DLG2: variants seen among roughly 807,000 people sequenced by gnomAD.
DLG2 encodes disks large homolog 2.
Under a neutral mutation model 132.5 loss-of-function variants are expected in DLG2, and 45 were observed. The observed-to-expected ratio is 0.34, with a 90% confidence interval of 0.27 to 0.44. The LOEUF is 0.44. Among genes scored for constraint, DLG2 ranks in the 20% least tolerant of loss-of-function variants. The pLI is 1.00. For missense variants in DLG2, 1,045 were observed against 1,196.9 expected, an observed-to-expected ratio of 0.87 and a Z score of 1.87; for synonymous variants, 424 against 419.6, an observed-to-expected ratio of 1.01 and a Z score of -0.13.
chr11:85,208,270 C>T (rs1034293769), intron 4 of DLG2, among the ~76,000 whole-genome samples: 3 of 152,028 alleles, frequency 2.0e-5, no homozygotes, highest in African/African-American at 7.2e-5. Flanking sequence ...CATACAGTTT[C>T]AAAATTAATG....
At chr11:84,861,177 T>G (rs1436260941) in intron 6 of DLG2, among the ~76,000 whole-genome samples, 2 of 151,884 alleles carry the variant, frequency 1.3e-5, no homozygotes, top group African/African-American at 2.4e-5. Context: ...CAATTTCCAG[T>G]GGTGGGAATA....
chr11:83,532,621 G>T, intron 21 of DLG2, 87 bp downstream of exon 21: 3 of 1,099,754 alleles, frequency 2.7e-6, no homozygotes, highest in Non-Finnish European at 4.2e-6. Context: ...TTCATAATTT[G>T]TTTGCTACTG....
chr11:84,730,149 G>A (rs971734914), intron 6 of DLG2, among the ~76,000 whole-genome samples: 1 of 151,936 alleles, frequency 6.6e-6, no homozygotes, highest in South Asian at 2.1e-4. Flanking sequence ...CACCAAATTT[G>A]ATGTCAATGT....
chr11:84,335,989 TA>T (rs1407056563), intron 7 of DLG2, among the ~76,000 whole-genome samples: 1 of 152,186 alleles, frequency 6.6e-6, no homozygotes, highest in African/African-American at 2.4e-5. Flanking sequence ...TAATTCAACA[TA>T]AATTTTTATT....
chr11:84,743,906 A>G (rs1198833787), intron 6 of DLG2, among the ~76,000 whole-genome samples: 1 of 152,062 alleles, frequency 6.6e-6, no homozygotes, highest in Non-Finnish European at 1.5e-5. Context: ...TTGTATTTTT[A>G]GTACAGATGG....
At position 83,730,731 on chromosome 11, in the gene DLG2, TC is replaced by T. The variant is rs201489114; in HGVS notation, c.1825+55958del. On this transcript the variant is annotated intron_variant, in intron 18 of 27. Transcript: ENST00000376104. The stretch of plus-strand genomic sequence containing the variant: ...TGAAGAGACTCAAAGTCCTTTTCCT[TC>T]ATCTTGTCACTTCTCTAAAAATTTG... Among the ~76,000 whole-genome samples, 466 of 152,308 alleles carry T rather than the reference TC, an allele frequency of 3.1e-3. 2 individuals carry two copies. Among genetic ancestry groups the T allele is most frequent in the Admixed American group, 0.011 (172 of 15,296 alleles).
chr11:84,009,807 A>T (rs2094783091), intron 11 of DLG2, among the ~76,000 whole-genome samples: 1 of 152,156 alleles, frequency 6.6e-6, no homozygotes, highest in Non-Finnish European at 1.5e-5. Context: ...ACTATGCCTT[A>T]TCTCATTTCA....
At chr11:85,524,662 T>C (rs1168216542) in intron 3 of DLG2, among the ~76,000 whole-genome samples, 1 of 152,018 alleles carries the variant, frequency 6.6e-6, no homozygotes, top group Non-Finnish European at 1.5e-5. Flanking sequence ...TCGACTAATT[T>C]TGTTTATTTT....
intron 23 of DLG2, among the ~76,000 whole-genome samples, chr11:83,472,391 T>C (rs2092156649): frequency 6.6e-6 from 1 of 152,180 alleles, no homozygotes; most frequent in South Asian, 2.1e-4. Context: ...AATACTGAGC[T>C]GACATCAGTC....
At chr11:85,543,171 G>A (rs2076085561) in intron 3 of DLG2, among the ~76,000 whole-genome samples, 1 of 152,112 alleles carries the variant, frequency 6.6e-6, no homozygotes, top group Non-Finnish European at 1.5e-5. Context: ...GGTGTGTGAT[G>A]TTCCCCTCCC....
chr11:84,686,240 A>G (rs1378497412), intron 6 of DLG2, among the ~76,000 whole-genome samples: 2 of 152,194 alleles, frequency 1.3e-5, no homozygotes, highest in Admixed American at 6.5e-5. Context: ...GTTCTCCATA[A>G]GAGGCTGTCA....
chr11:85,500,596 T>C lies in DLG2; in HGVS notation c.40+98061A>G, dbSNP rs1036592031. On this transcript the variant is annotated intron_variant, in intron 3 of 27. Transcript: ENST00000376104. Reference sequence around the variant, plus strand: ...AATAAATAAAGTTACAAAATCAAAGTGTAAAATCACAAGCATTCCTCTACA... The same window carrying C: ...AATAAATAAAGTTACAAAATCAAAGCGTAAAATCACAAGCATTCCTCTACA... 2.0e-5 allele frequency among the ~76,000 whole-genome samples: 3 copies of C among 150,226 alleles called. No homozygotes were observed. The South Asian group carries it at 6.4e-4, about 32-fold the overall frequency.
At chr11:85,485,262 T>C (rs1191671565) in intron 3 of DLG2, among the ~76,000 whole-genome samples, 1 of 151,804 alleles carries the variant, frequency 6.6e-6, no homozygotes, top group South Asian at 2.1e-4. Flanking sequence ...AGATGACGAG[T>C]TAGTGGGTGC....
At chr11:85,144,488 C>T (rs2076713056) in intron 5 of DLG2, among the ~76,000 whole-genome samples, 1 of 150,618 alleles carries the variant, frequency 6.6e-6, no homozygotes, top group African/African-American at 2.4e-5. Flanking sequence ...ACTTTGTGGT[C>T]TTCTCTTCCC....
In DLG2 at chr11:83,993,609, T is replaced by C. The variant is rs182809782; in HGVS notation, c.920-12967A>G. ...ATGGGGCTGTATGATAGAATGTGATTAGATGCTGTCCTACTTGTTTATGGA... is the reference window on the plus strand; with the variant it reads ...ATGGGGCTGTATGATAGAATGTGATCAGATGCTGTCCTACTTGTTTATGGA... On this transcript the variant is annotated intron_variant, in intron 11 of 27. Transcript: ENST00000376104. Among the ~76,000 whole-genome samples the C allele has an allele frequency of 3.3e-5, 5 of 152,310 alleles. 1 individual carries two copies. The highest frequency in any genetic ancestry group is 2.0e-4 in the Admixed American group (3 of 15,288).
chr11:83,749,726 G>C (rs1219747634), intron 18 of DLG2, among the ~76,000 whole-genome samples: 1 of 152,156 alleles, frequency 6.6e-6, no homozygotes, highest in African/African-American at 2.4e-5. Flanking sequence ...TATGCACAGC[G>C]AAGTAAGATT....
At chr11:85,378,876 T>G (rs927729286) in intron 3 of DLG2, among the ~76,000 whole-genome samples, 1 of 152,178 alleles carries the variant, frequency 6.6e-6, no homozygotes, top group East Asian at 1.9e-4. Context: ...ACTATTAAAA[T>G]TATACTTTAG....
chr11:83,540,586 G>C (rs551626753), intron 20 of DLG2, among the ~76,000 whole-genome samples: 1 of 152,296 alleles, frequency 6.6e-6, no homozygotes, highest in South Asian at 2.1e-4. Context: ...CACAGGCAGA[G>C]AGAAGAGAGG....
intron 7 of DLG2, among the ~76,000 whole-genome samples, chr11:84,389,676 A>G (rs1221415096): frequency 1.1e-4 from 16 of 152,160 alleles, no homozygotes; most frequent in Admixed American, 9.8e-4. Context: ...ATTTAAATCA[A>G]TTAAATCAAT....
Sources: allele counts gnomAD v4.1 joint callset (sites outside exome capture counted in the v4.1 genomes callset), GRCh38; gene constraint gnomAD v4.1.1; transcripts MANE v1.5; gene names NCBI Gene and HGNC (gene_info 2026-07-23, HGNC 2026-07-21).